The following PPP3CB variants were observed in gnomAD, a reference collection of about 807,000 sequenced individuals.
PPP3CB encodes the protein protein phosphatase 3 catalytic subunit beta.
Under a neutral mutation model 66.4 loss-of-function variants are expected in PPP3CB, and 8 were observed. That is an observed-to-expected ratio of 0.12 (90% confidence interval 0.07 to 0.22). The LOEUF (loss-of-function observed/expected upper bound fraction) is 0.22, where lower values mean the gene tolerates loss of function less well. Among genes scored for constraint, PPP3CB ranks in the 10% least tolerant of loss-of-function variants. PPP3CB has a pLI of 1.00. For missense variants in PPP3CB, 319 were observed against 642.5 expected, an observed-to-expected ratio of 0.50 and a Z score of 5.44; for synonymous variants, 208 against 221.2, an observed-to-expected ratio of 0.94 and a Z score of 0.53.
At chr10:73,470,624 A>AT in intron 8 of PPP3CB, 63 bp downstream of exon 8, 1 of 1,037,166 alleles carries the variant, frequency 9.6e-7, no homozygotes, top group Non-Finnish European at 1.4e-6. Context: ...TTTTTATTAT[A>AT]TTAAAAAAAG....
chr10:73,488,669 A>AT (rs1478193039), intron 1 of PPP3CB, among the ~76,000 whole-genome samples: 1 of 152,024 alleles, frequency 6.6e-6, no homozygotes, highest in African/African-American at 2.4e-5. Context: ...ATCCAACAGC[A>AT]TTGTCTTCAA....
At chr10:73,490,779 C>G (rs1417674094) in intron 1 of PPP3CB, among the ~76,000 whole-genome samples, 1 of 152,096 alleles carries the variant, frequency 6.6e-6, no homozygotes, top group Non-Finnish European at 1.5e-5. Context: ...TTCTCTCTCT[C>G]TTTCTGTTCC....
intron 10 of PPP3CB, among the ~76,000 whole-genome samples, chr10:73,448,101 T>C (rs552855612): frequency 5.9e-5 from 9 of 152,238 alleles, no homozygotes; most frequent in African/African-American, 9.6e-5. Flanking sequence ...TGTTTTAAAA[T>C]TGACAGAATT....
At chr10:73,445,620 A>G (rs966072322) in intron 11 of PPP3CB, among the ~76,000 whole-genome samples, 1 of 151,014 alleles carries the variant, frequency 6.6e-6, no homozygotes, top group Non-Finnish European at 1.5e-5. Context: ...TAATTTTTGT[A>G]TTCTTTTTTG....
intron 13 of PPP3CB, among the ~76,000 whole-genome samples, chr10:73,439,387 A>G (rs952778162): frequency 1.3e-5 from 2 of 152,194 alleles, no homozygotes; most frequent in Non-Finnish European, 2.9e-5. Flanking sequence ...AGAAAAAAGA[A>G]AATCATTATA....
rs760336827 is a variant in PPP3CB at position 73,470,663 on chromosome 10, T to C, written c.982+24A>G. ...ATTAAAATACTAAGTTGTTTAACAATTTTTTTTATCAACAATATCTTACCT... is the reference window on the plus strand; with the variant it reads ...ATTAAAATACTAAGTTGTTTAACAACTTTTTTTATCAACAATATCTTACCT... On this transcript the variant is annotated intron_variant, in intron 8 of 13. Coordinates refer to ENST00000360663, the MANE Select transcript of PPP3CB (RefSeq NM_021132.4). 4 of 1,388,428 alleles carry C rather than the reference T, an allele frequency of 2.9e-6. No homozygotes were observed. In the South Asian group the frequency reaches 4.2e-5, roughly 15 times the overall value. The allele number at this position is 1,388,428 out of a possible 1,614,324, so 86.0% of individuals were successfully genotyped here.
chr10:73,456,758 G>A (rs913186934), intron 9 of PPP3CB, among the ~76,000 whole-genome samples: 8 of 152,170 alleles, frequency 5.3e-5, no homozygotes, highest in African/African-American at 1.9e-4. Flanking sequence ...AAATCTTTAT[G>A]AGCTTGGATT....
intron 11 of PPP3CB, among the ~76,000 whole-genome samples, chr10:73,445,817 C>T (rs1282259985): frequency 6.7e-6 from 1 of 150,048 alleles, no homozygotes; most frequent in Non-Finnish European, 1.5e-5. Context: ...GGCGTCATCT[C>T]AGATCACTGC....
chr10:73,473,503 A>G (rs964407177), intron 4 of PPP3CB, among the ~76,000 whole-genome samples: 6 of 152,204 alleles, frequency 3.9e-5, no homozygotes, highest in African/African-American at 4.8e-5. Context: ...AAAAATACAA[A>G]AATTAGCAGG....
intron 9 of PPP3CB, among the ~76,000 whole-genome samples, chr10:73,456,282 A>G (rs767243131): frequency 5.9e-5 from 9 of 152,220 alleles, no homozygotes; most frequent in Non-Finnish European, 8.8e-5. Context: ...CTACTGAAGG[A>G]GACATTAAAT....
intron 9 of PPP3CB, among the ~76,000 whole-genome samples, chr10:73,461,893 G>A (rs992346292): frequency 3.3e-5 from 5 of 152,156 alleles, no homozygotes; most frequent in African/African-American, 9.7e-5. Flanking sequence ...GATTTCTCAT[G>A]AATAGTTTAG....
chr10:73,453,471 C>T (rs763727062), intron 10 of PPP3CB, among the ~76,000 whole-genome samples: 9 of 152,004 alleles, frequency 5.9e-5, no homozygotes, highest in Non-Finnish European at 4.4e-5. Flanking sequence ...CCATATTGCC[C>T]AGGCTGGTCT....
chr10:73,444,738 C>G lies in PPP3CB; in HGVS notation c.1353G>C (p.Gln451His). The G allele has an allele frequency of 3.7e-6, 6 of 1,614,156 alleles. No individual in the cohort carries two copies. Among genetic ancestry groups the G allele is most frequent in the Non-Finnish European group, 5.1e-6 (6 of 1,180,028 alleles). ...TAACATCATTACCACTTTGCAGGGT[C>G]TGCCGTCCTCCAGCTAACACTCCAC... Reference protein sequence around the residue: ...LPSGVLAGGRQTLQSATVEAI... With the variant: ...LPSGVLAGGRHTLQSATVEAI... Residue 451 changes from glutamine (Q) to histidine (H), a missense_variant, in exon 12 of 14, where the codon CAG becomes CAC. Around this residue, in one of 5 missense-constraint regions of PPP3CB, gnomAD observed 120 missense variants for 331.2 expected, o/e 0.36. Transcript: ENST00000360663.
In PPP3CB at chr10:73,456,712, T is replaced by A. The variant is rs1469583640; in HGVS notation, c.1109-2223A>T. On this transcript the variant is annotated intron_variant, in intron 9 of 13. Coordinates refer to ENST00000360663, the MANE Select transcript of PPP3CB (RefSeq NM_021132.4). ...ATTAATTCAAAATGGATCAAACACCTAATGTAAGAACTAAAACTCTCAGAA... is the reference window on the plus strand; with the variant it reads ...ATTAATTCAAAATGGATCAAACACCAAATGTAAGAACTAAAACTCTCAGAA... Among the ~76,000 whole-genome samples, 4 of 152,036 alleles carry A rather than the reference T, an allele frequency of 2.6e-5. No homozygotes were observed. In the East Asian group the frequency reaches 7.7e-4, roughly 29 times the overall value.
intron 1 of PPP3CB, among the ~76,000 whole-genome samples, chr10:73,487,316 G>T (rs1292324646): frequency 6.6e-6 from 1 of 152,100 alleles, no homozygotes; most frequent in Non-Finnish European, 1.5e-5. Flanking sequence ...GGGAGGTCAA[G>T]GTGGGTATAT....
In PPP3CB at chr10:73,491,101, G is replaced by C. The variant is rs1352714923; in HGVS notation, c.85+4704C>G. 2.8e-5 allele frequency among the ~76,000 whole-genome samples: 4 copies of C among 143,966 alleles called. No individual in the cohort carries two copies. In the Admixed American group the frequency reaches 2.9e-4, roughly 10 times the overall value. 94.4% of individuals were successfully genotyped at this position (143,966 alleles called of 152,430 possible). A position where few individuals can be genotyped will look rare whatever the true frequency, so the allele number is the denominator to read the frequency against. On this transcript the variant is annotated intron_variant, in intron 1 of 13. Transcript: ENST00000360663. ...GCTGGAGTGCAGTGGCATGAACTCG[G>C]CTCACTGCAATCTCCGCCTCGCAGG...
intron 9 of PPP3CB, among the ~76,000 whole-genome samples, chr10:73,463,414 T>A (rs940412052): frequency 5.3e-5 from 8 of 152,226 alleles, no homozygotes; most frequent in South Asian, 2.1e-4. Flanking sequence ...GTGATCAATA[T>A]CCTCATGATC....
At position 73,457,265 on chromosome 10, in the gene PPP3CB, A is replaced by G. The variant is rs949338772; in HGVS notation, c.1109-2776T>C. Among the ~76,000 whole-genome samples the G allele has an allele frequency of 1.5e-4, 20 of 132,716 alleles. No homozygotes were observed. The East Asian group carries it at 2.6e-3, about 17-fold the overall frequency. 87.1% of individuals were successfully genotyped at this position (132,716 alleles called of 152,430 possible). A position where few individuals can be genotyped will look rare whatever the true frequency, so the allele number is the denominator to read the frequency against. On this transcript the variant is annotated intron_variant, in intron 9 of 13. Coordinates refer to ENST00000360663, the MANE Select transcript of PPP3CB (RefSeq NM_021132.4). Reference sequence around the variant, plus strand: ...AAGATCCCATCTCTAAAAAAGAAAAAAAAAAAAAAAAAAAAAAAAAAAAAA... The same window carrying G: ...AAGATCCCATCTCTAAAAAAGAAAAGAAAAAAAAAAAAAAAAAAAAAAAAA...
rs58404946 is a variant in PPP3CB at position 73,485,950 on chromosome 10, G to GTGTGTGTTTA, written c.86-6434_86-6433insTAAACACACA. Among the ~76,000 whole-genome samples the GTGTGTGTTTA allele has an allele frequency of 2.7e-3, 340 of 124,690 alleles. 3 individuals are homozygous for GTGTGTGTTTA. The highest frequency in any genetic ancestry group is 0.014 in the Admixed American group (164 of 11,636). The allele number at this position is 124,690 out of a possible 152,430, so 81.8% of individuals were successfully genotyped here. A position where few individuals can be genotyped will look rare whatever the true frequency, so the allele number is the denominator to read the frequency against. On this transcript the variant is annotated intron_variant, in intron 1 of 13. Transcript: ENST00000360663. ...TGTGTGTGTGTGTGTGTGTGTGTGT[G>GTGTGTGTTTA]TATTTTTTTTTTTCAGATGCAGTCT...
Sources: gnomAD v4.1 joint callset for allele counts (sites outside exome capture counted in the v4.1 genomes callset) on GRCh38, gnomAD v4.1.1 for gene constraint, gnomAD v4.1.1 regional missense constraint, MANE v1.5 for transcripts, NCBI Gene and HGNC (gene_info 2026-07-23, HGNC 2026-07-21) for gene names.